KCTD8: variants seen among roughly 807,000 people sequenced by gnomAD.
KCTD8 encodes BTB/POZ domain-containing protein KCTD8.
Under a neutral mutation model 31.5 loss-of-function variants are expected in KCTD8, and 27 were observed. The ratio of observed to expected loss-of-function variants is 0.86; its 90% confidence interval spans 0.63 to 1.18. The LOEUF is 1.18. Among genes scored for constraint, KCTD8 ranks in the 50% most tolerant of loss-of-function variants. KCTD8 has a pLI of 0.00. For missense variants in KCTD8, 658 were observed against 647.7 expected, an observed-to-expected ratio of 1.02 and a Z score of -0.17; for synonymous variants, 290 against 280.0, an observed-to-expected ratio of 1.04 and a Z score of -0.36.
intron 1 of KCTD8, among the ~76,000 whole-genome samples, chr4:44,289,252 T>G (rs2109383939): frequency 6.6e-6 from 1 of 151,514 alleles, no homozygotes; most frequent in Non-Finnish European, 1.5e-5. Flanking sequence ...GCTATACTAT[T>G]AATATTATAT....
At position 44,175,233 on chromosome 4, in the gene KCTD8, C is replaced by T; in HGVS notation, c.979G>A (p.Val327Ile). The change falls in exon 2 of 2, where the codon GTA (valine) becomes ATA (isoleucine). Residue 327 changes from valine to isoleucine, a missense_variant. Coordinates refer to ENST00000360029, the MANE Select transcript of KCTD8 (RefSeq NM_198353.3). Reference protein sequence around the residue: ...YIFFRPPQKIVSPKQEHEDRK... With the variant: ...YIFFRPPQKIISPKQEHEDRK... ...TCTTCATGTTCTTGTTTAGGTGATA[C>T]TATTTTCTGAGGTGGTCCTAAAAAG... The T allele has an allele frequency of 6.4e-7, 1 of 1,554,020 alleles. No homozygotes were observed. The highest frequency in any genetic ancestry group is 1.9e-5 in the Admixed American group (1 of 51,438).
chr4:44,369,613 C>CT (rs939902318), intron 1 of KCTD8, among the ~76,000 whole-genome samples: 1 of 152,096 alleles, frequency 6.6e-6, no homozygotes, highest in African/African-American at 2.4e-5. Flanking sequence ...CATGAACAGC[C>CT]TGGGCTACGT....
intron 1 of KCTD8, among the ~76,000 whole-genome samples, chr4:44,297,759 C>T (rs181558929): frequency 9.3e-4 from 142 of 152,228 alleles, no homozygotes; most frequent in African/African-American, 3.4e-3. Context: ...ATATGTAAAA[C>T]ATTAGAAATG....
intron 1 of KCTD8, among the ~76,000 whole-genome samples, chr4:44,372,433 CA>C (rs1719812176): frequency 6.6e-6 from 1 of 152,128 alleles, no homozygotes; most frequent in Non-Finnish European, 1.5e-5. Context: ...AGAAAAGCTA[CA>C]GGATCAACCT....
chr4:44,428,513 G>T (rs1721400555), intron 1 of KCTD8, among the ~76,000 whole-genome samples: 1 of 151,682 alleles, frequency 6.6e-6, no homozygotes, highest in African/African-American at 2.4e-5. Context: ...TCAAAGTACT[G>T]ATTAGTGTTA....
intron 1 of KCTD8, among the ~76,000 whole-genome samples, chr4:44,373,939 G>T (rs1719854918): frequency 6.6e-6 from 1 of 152,120 alleles, no homozygotes; most frequent in African/African-American, 2.4e-5. Flanking sequence ...CACATTAAAA[G>T]ATCGGCTTAG....
chr4:44,244,756 C>T (rs972255442), intron 1 of KCTD8, among the ~76,000 whole-genome samples: 2 of 151,208 alleles, frequency 1.3e-5, no homozygotes, highest in Non-Finnish European at 2.9e-5. Context: ...AGTATCTAAA[C>T]AGGCATTCCT....
At chr4:44,317,228 C>CTTTTTTTTTTT (rs760060899) in intron 1 of KCTD8, among the ~76,000 whole-genome samples, 821 of 36,506 alleles carry the variant, frequency 0.022, 192 homozygotes, top group East Asian at 0.034. Flanking sequence ...TGGGTGCTTT[C>CTTTTTTTTTTT]TTTTTTTTTT....
intron 1 of KCTD8, among the ~76,000 whole-genome samples, chr4:44,349,060 T>C (rs1039481828): frequency 1.0e-4 from 15 of 144,338 alleles, no homozygotes; most frequent in African/African-American, 1.3e-4. Flanking sequence ...AGCACCACCA[T>C]CGCTGCCACC....
intron 1 of KCTD8, among the ~76,000 whole-genome samples, chr4:44,221,545 C>G (rs1025664121): frequency 6.6e-6 from 1 of 152,050 alleles, no homozygotes; most frequent in Non-Finnish European, 1.5e-5. Flanking sequence ...GGAAGCCAGT[C>G]CAAGTCCAAA....
chr4:44,406,289 G>C (rs1363958556), intron 1 of KCTD8, among the ~76,000 whole-genome samples: 1 of 152,052 alleles, frequency 6.6e-6, no homozygotes. Context: ...ATCATACATT[G>C]AAAAACATGA....
At chr4:44,298,952 T>C (rs922754901) in intron 1 of KCTD8, among the ~76,000 whole-genome samples, 2 of 152,016 alleles carry the variant, frequency 1.3e-5, no homozygotes, top group Non-Finnish European at 2.9e-5. Flanking sequence ...TGCATACAGT[T>C]GTAAAAAAAA....
rs539884944 is a variant in KCTD8, at chr4:44,444,811, A to G, written c.961+2752T>C. 4.9e-3 allele frequency among the ~76,000 whole-genome samples: 705 copies of G among 142,746 alleles called. 10 individuals carry two copies. The highest frequency in any genetic ancestry group is 0.017 in the African/African-American group (681 of 39,894). 93.6% of individuals were successfully genotyped at this position (142,746 alleles called of 152,430 possible). A position where few individuals can be genotyped will look rare whatever the true frequency, so the allele number is the denominator to read the frequency against. On this transcript the variant is annotated intron_variant, in intron 1 of 1. Coordinates refer to ENST00000360029, the MANE Select transcript of KCTD8 (RefSeq NM_198353.3). ...GGGGTGACGGGGGTTGGGGGGGAAT[A>G]ACATTGATGCTCAAGTGTGTAAACT... is the stretch of plus-strand genomic sequence containing the variant.
chr4:44,326,401 TTTATA>T (rs1029064190), intron 1 of KCTD8, among the ~76,000 whole-genome samples: 2 of 151,760 alleles, frequency 1.3e-5, no homozygotes, highest in African/African-American at 2.4e-5. Context: ...AATTCATGGA[TTTATA>T]TTATAAGTTG....
At chr4:44,305,604 C>G (rs921966541) in intron 1 of KCTD8, among the ~76,000 whole-genome samples, 4 of 151,756 alleles carry the variant, frequency 2.6e-5, no homozygotes, top group Admixed American at 2.6e-4. Flanking sequence ...TATTGTTATA[C>G]TAAGTGATTT....
At chr4:44,180,793 C>T (rs1477675410) in intron 1 of KCTD8, among the ~76,000 whole-genome samples, 1 of 152,018 alleles carries the variant, frequency 6.6e-6, no homozygotes, top group Non-Finnish European at 1.5e-5. Flanking sequence ...CCCCTAAGTT[C>T]TTTTATGTTA....
chr4:44,397,265 A>T (rs1041189832), intron 1 of KCTD8, among the ~76,000 whole-genome samples: 1 of 152,186 alleles, frequency 6.6e-6, no homozygotes, highest in Admixed American at 6.6e-5. Flanking sequence ...AAGTGAAATT[A>T]GTGAAATCAG....
Position 44,394,265 on chromosome 4 carries a change from T to A in KCTD8, c.961+53298A>T, listed in dbSNP as rs538543718. Reference sequence around the variant, plus strand: ...GGGGAGTTGCTACTATGCCCTTTTATACAGGCAAAGAAATACAGTTTCTAA... The same window carrying A: ...GGGGAGTTGCTACTATGCCCTTTTAAACAGGCAAAGAAATACAGTTTCTAA... On this transcript the variant is annotated intron_variant, in intron 1 of 1. Transcript: ENST00000360029. 7.9e-5 allele frequency among the ~76,000 whole-genome samples: 12 copies of A among 152,126 alleles called. No homozygotes were observed. In the South Asian group the frequency reaches 2.1e-3, roughly 26 times the overall value.
At chr4:44,210,180 G>C (rs539631160) in intron 1 of KCTD8, among the ~76,000 whole-genome samples, 21 of 152,254 alleles carry the variant, frequency 1.4e-4, no homozygotes, top group African/African-American at 4.1e-4. Context: ...TTCCCTGAAA[G>C]TGTATTCTCT....
Sources: gnomAD v4.1 joint callset for allele counts (sites outside exome capture counted in the v4.1 genomes callset) on GRCh38, gnomAD v4.1.1 for gene constraint, MANE v1.5 for transcripts, NCBI Gene and HGNC (gene_info 2026-07-23, HGNC 2026-07-21) for gene names.